The following FRMPD4 variants were observed in gnomAD, a reference collection of about 807,000 sequenced individuals.
FRMPD4 encodes FERM and PDZ domain containing 4.
In FRMPD4, 22 loss-of-function variants were observed where a neutral mutation model predicts 94.1. That is an observed-to-expected ratio of 0.23 (90% CI 0.17 to 0.33). FRMPD4 has a LOEUF of 0.33. FRMPD4 is among the 10% of genes least tolerant of loss of function. FRMPD4 has a pLI of 1.00. For synonymous variants in FRMPD4, 631 were observed against 548.6 expected, an observed-to-expected ratio of 1.15 and a Z score of -2.10; for missense variants, 1,111 against 1,339.9, an observed-to-expected ratio of 0.83 and a Z score of 2.67.
intron 1 of FRMPD4, among the ~76,000 whole-genome samples, chrX:12,492,495 T>C (rs767300229): frequency 8.9e-6 from 1 of 112,549 alleles, no homozygotes; most frequent in Non-Finnish European, 1.9e-5. Context: ...TCTTTTACCA[T>C]AGTGAAACTC....
chrX:12,672,779 G>T (rs2059857027), intron 4 of FRMPD4, among the ~76,000 whole-genome samples: 1 of 111,867 alleles, frequency 8.9e-6, no homozygotes, highest in African/African-American at 3.2e-5. Flanking sequence ...AGTCCTAAGG[G>T]ATCTGTAGTG....
At chrX:12,477,834 A>G (rs189934219) in intron 1 of FRMPD4, among the ~76,000 whole-genome samples, 98 of 112,718 alleles carry the variant, frequency 8.7e-4, no homozygotes, top group African/African-American at 2.9e-3. Context: ...TTGTTTATAG[A>G]TTAAAAGGGC....
intron 2 of FRMPD4, among the ~76,000 whole-genome samples, chrX:12,564,912 A>C (rs1461478292): frequency 1.8e-5 from 2 of 111,174 alleles, no homozygotes; most frequent in East Asian, 5.7e-4. Context: ...CCAAACTTGG[A>C]AATTTTGAGT....
intron 3 of FRMPD4, among the ~76,000 whole-genome samples, chrX:11,952,661 AGG>A (rs1261060586): frequency 9.0e-6 from 1 of 111,597 alleles, no homozygotes; most frequent in Non-Finnish European, 1.9e-5. Flanking sequence ...AGCTAACCCA[AGG>A]GATATATTTG....
At position 12,151,315 on chromosome X, in the gene FRMPD4, T is replaced by A. The variant is rs746032507; in HGVS notation, c.41+12303T>A. Among the ~76,000 whole-genome samples, 4 of 111,776 alleles carry A rather than the reference T, an allele frequency of 3.6e-5. No homozygotes were observed. The East Asian group carries it at 1.1e-3, about 31-fold the overall frequency. ...AACATTACTTAACTCTGTAAAGTGG[T>A]AGTTCAGAGGGTTATACGTGAGGGG... On this transcript the variant is annotated intron_variant, in intron 1 of 16. Coordinates refer to ENST00000675598, the MANE Select transcript of FRMPD4 (RefSeq NM_001368397.1).
intron 1 of FRMPD4, among the ~76,000 whole-genome samples, chrX:12,471,899 G>T (rs926986514): frequency 8.9e-6 from 1 of 111,802 alleles, no homozygotes; most frequent in Admixed American, 9.5e-5. Flanking sequence ...TCACCATGAG[G>T]TGATGACAAA....
chrX:12,122,302 T>A lies in FRMPD4; in HGVS notation c.95+244284T>A, dbSNP rs371297826. ...TACGAAAGATGAATATAAATGTTGT[T>A]CCTTTGTGTTCCACTGCTAAGTGGG... On this transcript the variant is annotated intron_variant, in intron 3 of 18. Coordinates refer to the FRMPD4 transcript ENST00000640291. Among the ~76,000 whole-genome samples, 21 of 112,268 alleles carry A rather than the reference T, an allele frequency of 1.9e-4. 1 individual carries two copies. Among genetic ancestry groups the A allele is most frequent in the African/African-American group, 6.5e-4 (20 of 30,959 alleles).
At chrX:12,572,552 A>G (rs2058770017) in intron 2 of FRMPD4, among the ~76,000 whole-genome samples, 1 of 112,006 alleles carries the variant, frequency 8.9e-6, no homozygotes, top group Non-Finnish European at 1.9e-5. Context: ...TTGAAGCCAG[A>G]TGCTTTTTGT....
At chrX:12,519,376 G>T (rs903026460) in intron 2 of FRMPD4, among the ~76,000 whole-genome samples, 1 of 112,217 alleles carries the variant, frequency 8.9e-6, no homozygotes, top group Non-Finnish European at 1.9e-5. Context: ...AAAATAGAGA[G>T]ACCAGAAATA....
Position 12,193,813 on chromosome X carries a change from AGGAAGGAAGGAAGGAGG to A in FRMPD4, c.41+54803_41+54819del, listed in dbSNP as rs2056528198. Among the ~76,000 whole-genome samples the A allele has an allele frequency of 5.5e-4, 17 of 31,106 alleles. 3 individuals are homozygous for A. The highest frequency in any genetic ancestry group is 1.9e-3 in the Admixed American group (4 of 2,147). The allele number at this position is 31,106 out of a possible 115,157, so 27.0% of individuals were successfully genotyped here. A position where few individuals can be genotyped will look rare whatever the true frequency, so the allele number is the denominator to read the frequency against. Reference sequence around the variant, plus strand: ...AAGGAAGGAAGGAAGGAAGGAAGGAAGGAAGGAAGGAAGGAGGGAAGGAAGAAAGAAAAGAAAGAAAA... The same window carrying A: ...AAGGAAGGAAGGAAGGAAGGAAGGAAGAAGGAAGAAAGAAAAGAAAGAAAA... On this transcript the variant is annotated intron_variant, in intron 1 of 16. Transcript: ENST00000675598.
chrX:12,575,869 T>TC (rs1010082623), intron 2 of FRMPD4, among the ~76,000 whole-genome samples: 1 of 110,960 alleles, frequency 9.0e-6, no homozygotes, highest in Non-Finnish European at 1.9e-5. Context: ...GGAAACAGAC[T>TC]CCCCCCTAGG....
chrX:11,889,473 C>T (rs993485436), intron 3 of FRMPD4, among the ~76,000 whole-genome samples: 6 of 112,234 alleles, frequency 5.3e-5, no homozygotes, highest in African/African-American at 1.9e-4. Flanking sequence ...GTAAAAGTCA[C>T]TTCTCAGCAT....
At chrX:12,606,922 G>A (rs2059136598) in intron 2 of FRMPD4, among the ~76,000 whole-genome samples, 1 of 111,496 alleles carries the variant, frequency 9.0e-6, no homozygotes, top group Non-Finnish European at 1.9e-5. Flanking sequence ...TGTCCACCAT[G>A]CCTAGCTGGC....
chrX:12,715,094 T>C (rs1193339856), intron 14 of FRMPD4, among the ~76,000 whole-genome samples: 1 of 111,678 alleles, frequency 9.0e-6, no homozygotes, highest in Admixed American at 9.5e-5. Flanking sequence ...GGGAGAATAG[T>C]ATGGCCCTAA....
At chrX:12,421,458 T>A (rs1481119750) in intron 1 of FRMPD4, among the ~76,000 whole-genome samples, 6 of 111,186 alleles carry the variant, frequency 5.4e-5, no homozygotes, top group African/African-American at 2.0e-4. Flanking sequence ...ATCTTTTTCA[T>A]AAAAAGGCTT....
chrX:11,879,222 G>A lies in FRMPD4; in HGVS notation c.95+1204G>A, dbSNP rs746086150. 2.7e-5 allele frequency among the ~76,000 whole-genome samples: 3 copies of A among 111,809 alleles called. No homozygotes were observed. In the East Asian group the frequency reaches 8.4e-4, roughly 31 times the overall value. On this transcript the variant is annotated intron_variant, in intron 3 of 18. Transcript: ENST00000640291. ...GTTGGCTTGCAACATAATTTCACTG[G>A]ATGACTTTTCTTTTTAGCGCCTACA...
chrX:12,255,456 G>A (rs978647098), intron 1 of FRMPD4, among the ~76,000 whole-genome samples: 10 of 111,562 alleles, frequency 9.0e-5, no homozygotes, highest in Non-Finnish European at 3.8e-5. Flanking sequence ...AGAAATGTTG[G>A]CAATTTAAAG....
intron 4 of FRMPD4, among the ~76,000 whole-genome samples, chrX:12,641,402 A>G (rs1371379234): frequency 9.0e-6 from 1 of 111,550 alleles, no homozygotes; most frequent in Non-Finnish European, 1.9e-5. Flanking sequence ...CCTCCCCTCC[A>G]TGCTCTCAGG....
intron 1 of FRMPD4, among the ~76,000 whole-genome samples, chrX:12,392,354 C>T (rs897575173): frequency 4.0e-5 from 4 of 98,889 alleles, no homozygotes; most frequent in Admixed American, 1.0e-4. Context: ...TTTATTTAAT[C>T]TTAATTTAAA....
Sources: allele counts gnomAD v4.1 joint callset (sites outside exome capture counted in the v4.1 genomes callset), GRCh38; gene constraint gnomAD v4.1.1; transcripts MANE v1.5; gene names NCBI Gene and HGNC (gene_info 2026-07-23, HGNC 2026-07-21).